The following TCF4 variants were observed in gnomAD, a reference collection of about 807,000 sequenced individuals.
The protein encoded by TCF4 is SL3-3 enhancer factor 2.
TCF4 carries 3 observed loss-of-function variants against 82.1 expected under a neutral mutation model. The observed-to-expected ratio is 0.04, with a 90% CI of 0.02 to 0.09. The LOEUF (loss-of-function observed/expected upper bound fraction) is 0.09, where lower values mean the gene tolerates loss of function less well. Among genes scored for constraint, TCF4 ranks in the 10% least tolerant of loss-of-function variants. TCF4 has a pLI of 1.00. For synonymous variants in TCF4, 276 were observed against 309.6 expected, an observed-to-expected ratio of 0.89 and a Z score of 1.14; for missense variants, 518 against 852.7, an observed-to-expected ratio of 0.61 and a Z score of 4.89.
chr18:55,507,474 G>T (rs1366044335), intron 3 of TCF4, among the ~76,000 whole-genome samples: 1 of 151,910 alleles, frequency 6.6e-6, no homozygotes, highest in Non-Finnish European at 1.5e-5. Context: ...AGTTATTTCT[G>T]GAATTTTCCA....
chr18:55,436,579 G>A (rs2095334302), intron 5 of TCF4, among the ~76,000 whole-genome samples: 1 of 152,098 alleles, frequency 6.6e-6, no homozygotes, highest in South Asian at 2.1e-4. Context: ...CACAAAAGAA[G>A]CAAAATGAAA....
chr18:55,630,609 A>G (rs1568509239), intron 2 of TCF4, among the ~76,000 whole-genome samples: 1 of 152,218 alleles, frequency 6.6e-6, no homozygotes, highest in Non-Finnish European at 1.5e-5. Flanking sequence ...TTCTATAAAG[A>G]GCTATTAAAT....
intron 6 of TCF4, among the ~76,000 whole-genome samples, chr18:55,356,498 C>T (rs554488338): frequency 3.0e-4 from 45 of 152,250 alleles, no homozygotes; most frequent in African/African-American, 9.4e-4. Flanking sequence ...TGCTTTTGCA[C>T]GCATGAGCAA....
rs555206960 is a variant in TCF4 at position 55,365,266 on chromosome 18, T to TAC, written c.370-14265_370-14264dup. 4.3e-3 allele frequency among the ~76,000 whole-genome samples: 597 copies of TAC among 138,860 alleles called. 20 individuals carry two copies. The South Asian group carries it at 0.08, about 19-fold the overall frequency. 91.1% of individuals were successfully genotyped at this position (138,860 alleles called of 152,430 possible). On this transcript the variant is annotated intron_variant, in intron 6 of 19. Transcript: ENST00000354452. The stretch of plus-strand genomic sequence containing the variant: ...ATGTGTGTGTATATATATATATATA[T>TAC]ACACACACACACACATATATATATG...
chr18:55,365,156 AATATATATATATATATAT>A (rs139574594), intron 6 of TCF4, among the ~76,000 whole-genome samples: 54 of 83,540 alleles, frequency 6.5e-4, no homozygotes, highest in African/African-American at 2.4e-3. Flanking sequence ...CCATCTCCAA[AATATATATATATATATAT>A]ATATATATAT....
chr18:55,546,837 T>C (rs1462420029), intron 3 of TCF4: 2 of 152,222 alleles, frequency 1.3e-5, no homozygotes, highest in African/African-American at 4.8e-5. Context: ...AAAATAGACA[T>C]AGCACCACCA....
intron 11 of TCF4, chr18:55,268,764 G>A (rs1320438648): frequency 6.6e-6 from 1 of 152,110 alleles, no homozygotes; most frequent in African/African-American, 2.4e-5. Flanking sequence ...GAAAACAAGT[G>A]CAAAGAGCTA....
At chr18:55,330,929 C>G (rs2077465545) in intron 8 of TCF4, among the ~76,000 whole-genome samples, 1 of 152,162 alleles carries the variant, frequency 6.6e-6, no homozygotes, top group African/African-American at 2.4e-5. Flanking sequence ...TCCTTATAAA[C>G]CAATAATTTT....
At chr18:55,514,073 T>G (rs747038561) in intron 3 of TCF4, among the ~76,000 whole-genome samples, 24 of 152,194 alleles carry the variant, frequency 1.6e-4, no homozygotes, top group Non-Finnish European at 3.2e-4. Flanking sequence ...GATAAGCTCT[T>G]GACATGTATT....
intron 8 of TCF4, among the ~76,000 whole-genome samples, chr18:55,303,341 T>C (rs2069024396): frequency 6.6e-6 from 1 of 152,000 alleles, no homozygotes; most frequent in Admixed American, 6.6e-5. Context: ...AGGATCGCTT[T>C]CCCTCCTGAA....
At chr18:55,231,656 G>A (rs954455290) in intron 17 of TCF4, 4 of 152,182 alleles carry the variant, frequency 2.6e-5, no homozygotes, top group Admixed American at 6.5e-5. Context: ...CAACAAGGAA[G>A]GAAAGGGGTT....
intron 2 of TCF4, among the ~76,000 whole-genome samples, chr18:55,615,956 TTTTG>T (rs2097711318): frequency 6.6e-6 from 1 of 152,114 alleles, no homozygotes; most frequent in African/African-American, 2.4e-5. Context: ...TGGTCTTTAG[TTTTG>T]TTTTTTTATT....
At chr18:55,260,644 T>C (rs1600535766) in intron 12 of TCF4, among the ~76,000 whole-genome samples, 1 of 152,122 alleles carries the variant, frequency 6.6e-6, no homozygotes, top group African/African-American at 2.4e-5. Context: ...CTGCAACCTC[T>C]ACCTCCCAGG....
At chr18:55,598,641 G>A (rs2097693653) in intron 2 of TCF4, among the ~76,000 whole-genome samples, 1 of 152,216 alleles carries the variant, frequency 6.6e-6, no homozygotes, top group Non-Finnish European at 1.5e-5. Flanking sequence ...TACTGCTTAT[G>A]AGATTCTGAA....
chr18:55,491,143 C>T (rs2096571591), intron 3 of TCF4, among the ~76,000 whole-genome samples: 2 of 152,128 alleles, frequency 1.3e-5, no homozygotes, highest in African/African-American at 4.8e-5. Context: ...GTGCATAATT[C>T]GTAAGCCCTT....
intron 3 of TCF4, among the ~76,000 whole-genome samples, chr18:55,533,824 C>T (rs1487123718): frequency 6.6e-6 from 1 of 152,150 alleles, no homozygotes; most frequent in East Asian, 1.9e-4. Context: ...TTCTTCTTCC[C>T]TGTACCTCCA....
At chr18:55,561,576 G>A (rs182001044) in intron 3 of TCF4, among the ~76,000 whole-genome samples, 58 of 152,226 alleles carry the variant, frequency 3.8e-4, no homozygotes, top group Admixed American at 2.2e-3. Context: ...ATCTAGTGAT[G>A]TATTTATACC....
chr18:55,608,594 A>C (rs1010338242), intron 2 of TCF4, among the ~76,000 whole-genome samples: 1 of 152,132 alleles, frequency 6.6e-6, no homozygotes, highest in East Asian at 1.9e-4. Context: ...CAAGATTTGC[A>C]TATTTTTATA....
intron 5 of TCF4, among the ~76,000 whole-genome samples, chr18:55,428,275 G>A (rs1479417546): frequency 6.6e-6 from 1 of 152,104 alleles, no homozygotes. Context: ...CCAGTCCCTG[G>A]CATGCTCTTT....
Sources: allele counts gnomAD v4.1 joint callset (sites outside exome capture counted in the v4.1 genomes callset), GRCh38; gene constraint gnomAD v4.1.1; transcripts MANE v1.5; gene names NCBI Gene and HGNC (gene_info 2026-07-23, HGNC 2026-07-21).